PHACTR1: variants seen among roughly 807,000 people sequenced by gnomAD.
PHACTR1 encodes RPEL repeat containing 1.
A neutral mutation model predicts 69.2 loss-of-function variants in PHACTR1; 16 were observed. The observed-to-expected ratio is 0.23, with a 90% CI of 0.16 to 0.35. PHACTR1 has a LOEUF of 0.35. Ranked by LOEUF, PHACTR1 falls within the 10% of genes least tolerant of loss-of-function variation. The pLI is 1.00. For missense variants in PHACTR1, 510 were observed against 734.7 expected, an observed-to-expected ratio of 0.69 and a Z score of 3.54; for synonymous variants, 312 against 284.5, an observed-to-expected ratio of 1.10 and a Z score of -0.97.
chr6:13,281,144 T>C (rs1780099842), intron 12 of PHACTR1: 1 of 1,286,070 alleles, frequency 7.8e-7, no homozygotes, highest in Non-Finnish European at 1.0e-6. Context: ...TAGTCTTCGG[T>C]TCACTCCAGA....
intron 8 of PHACTR1, among the ~76,000 whole-genome samples, chr6:13,219,153 G>C (rs958005283): frequency 1.3e-5 from 2 of 152,134 alleles, no homozygotes; most frequent in Non-Finnish European, 2.9e-5. Context: ...GCCTTTTATT[G>C]ACTCGGGACT....
rs575201437 is a variant in PHACTR1 at position 13,152,335 on chromosome 6, A to G, written c.416-7869A>G. The stretch of plus-strand genomic sequence containing the variant: ...GGCAACAGAGCAAGACTCCGTCTCA[A>G]AAAAAAAAAAATTCATCAATGTCAA... On this transcript the variant is annotated intron_variant, in intron 5 of 14. Coordinates refer to ENST00000332995, the MANE Select transcript of PHACTR1 (RefSeq NM_030948.6). Among the ~76,000 whole-genome samples the G allele has an allele frequency of 4.0e-5, 6 of 149,802 alleles. No individual in the cohort carries two copies. The South Asian group carries it at 1.3e-3, about 31-fold the overall frequency.
At chr6:13,151,633 C>CA (rs557469689) in intron 5 of PHACTR1, among the ~76,000 whole-genome samples, 176 of 152,218 alleles carry the variant, frequency 1.2e-3, no homozygotes, top group African/African-American at 3.3e-3. Context: ...ATGCAGTACT[C>CA]AAAAAGAATG....
chr6:12,773,380 G>T (rs546126492), intron 4 of PHACTR1, among the ~76,000 whole-genome samples: 1 of 152,216 alleles, frequency 6.6e-6, no homozygotes, highest in African/African-American at 2.4e-5. Flanking sequence ...GTGACAAATG[G>T]TATATTTCCC....
At chr6:12,829,645 A>T (rs927071686) in intron 4 of PHACTR1, among the ~76,000 whole-genome samples, 3 of 152,002 alleles carry the variant, frequency 2.0e-5, no homozygotes, top group Non-Finnish European at 4.4e-5. Context: ...AGTGGGTAAG[A>T]TGAAGAAAAG....
At chr6:13,286,355 G>A in intron 14 of PHACTR1, 133 bp downstream of exon 14, 1 of 717,168 alleles carries the variant, frequency 1.4e-6, no homozygotes. Context: ...AGGAAGGCAG[G>A]CATGCGGTTC....
At chr6:12,916,008 A>G (rs1786946133) in intron 4 of PHACTR1, among the ~76,000 whole-genome samples, 1 of 152,212 alleles carries the variant, frequency 6.6e-6, no homozygotes, top group Non-Finnish European at 1.5e-5. Context: ...AGATGTTAAT[A>G]CCAGGCAAAA....
chr6:13,123,824 A>G (rs1306103791), intron 5 of PHACTR1, among the ~76,000 whole-genome samples: 3 of 152,198 alleles, frequency 2.0e-5, no homozygotes, highest in Non-Finnish European at 4.4e-5. Flanking sequence ...CGGGCCAGGT[A>G]GGAGTTGCAT....
intron 7 of PHACTR1, among the ~76,000 whole-genome samples, chr6:13,196,835 C>T (rs115706629): frequency 0.015 from 2,212 of 152,304 alleles, 41 homozygotes; most frequent in African/African-American, 0.05. Context: ...CATGGAGAAC[C>T]GCCATGGAAG....
intron 7 of PHACTR1, among the ~76,000 whole-genome samples, chr6:13,194,267 G>A (rs1041817951): frequency 1.3e-4 from 20 of 152,066 alleles, no homozygotes; most frequent in African/African-American, 4.6e-4. Flanking sequence ...GCTGGGCGTG[G>A]TGGCGCGTGC....
intron 4 of PHACTR1, among the ~76,000 whole-genome samples, chr6:12,849,001 A>G (rs1217657177): frequency 1.3e-5 from 2 of 152,068 alleles, no homozygotes; most frequent in Non-Finnish European, 1.5e-5. Flanking sequence ...AATTTCAAAG[A>G]CAGGCACTAT....
At position 13,215,749 on chromosome 6, in the gene PHACTR1, T is replaced by G. The variant is rs114674198; in HGVS notation, c.986+9613T>G. ...GACATATCCAACTCTAACTGCAGAT[T>G]AGATATATTGAAGTAGGTTAACTGT... On this transcript the variant is annotated intron_variant, in intron 8 of 14. Coordinates refer to ENST00000332995, the MANE Select transcript of PHACTR1 (RefSeq NM_030948.6). Among the ~76,000 whole-genome samples the G allele has an allele frequency of 3.7e-3, 557 of 152,316 alleles. 5 individuals carry two copies. The highest frequency in any genetic ancestry group is 0.013 in the African/African-American group (542 of 41,572).
At chr6:12,773,930 T>A (rs1309700546) in intron 4 of PHACTR1, among the ~76,000 whole-genome samples, 1 of 152,188 alleles carries the variant, frequency 6.6e-6, no homozygotes, top group Non-Finnish European at 1.5e-5. Flanking sequence ...TTAAGATTAC[T>A]GCCCAGAAAG....
At chr6:12,933,806 T>TTCTC (rs1789138264) in intron 4 of PHACTR1, 2 of 1,612,662 alleles carry the variant, frequency 1.2e-6, no homozygotes, top group Admixed American at 3.3e-5. Context: ...AGGTGGACAA[T>TTCTC]TCTCTACTCA....
chr6:12,998,005 AC>A (rs961015098), intron 4 of PHACTR1, among the ~76,000 whole-genome samples: 9 of 152,306 alleles, frequency 5.9e-5, no homozygotes, highest in African/African-American at 2.2e-4. Context: ...AACTACAGTT[AC>A]CCTAGTGTGC....
intron 4 of PHACTR1, among the ~76,000 whole-genome samples, chr6:12,888,141 T>C (rs530896593): frequency 6.6e-6 from 1 of 151,328 alleles, no homozygotes; most frequent in Admixed American, 6.6e-5. Flanking sequence ...ATGAGGGCTC[T>C]GCTTCCATAA....
At chr6:13,276,466 C>T (rs557766372) in intron 11 of PHACTR1, among the ~76,000 whole-genome samples, 121 of 149,722 alleles carry the variant, frequency 8.1e-4, no homozygotes, top group Non-Finnish European at 1.1e-3. Flanking sequence ...CAGGGGGTTT[C>T]CTTCCTTTAA....
intron 5 of PHACTR1, among the ~76,000 whole-genome samples, chr6:13,056,880 C>T (rs559435392): frequency 3.3e-5 from 5 of 152,214 alleles, no homozygotes; most frequent in African/African-American, 1.2e-4. Context: ...TGAGAATTAT[C>T]TGATATTGAG....
At chr6:12,797,426 T>C (rs998741724) in intron 4 of PHACTR1, among the ~76,000 whole-genome samples, 3 of 152,210 alleles carry the variant, frequency 2.0e-5, no homozygotes, top group Non-Finnish European at 4.4e-5. Context: ...TTGCAGTGGC[T>C]CTACCTATGG....
Sources: gnomAD v4.1 joint callset for allele counts (sites outside exome capture counted in the v4.1 genomes callset) on GRCh38, gnomAD v4.1.1 for gene constraint, MANE v1.5 for transcripts, NCBI Gene and HGNC (gene_info 2026-07-23, HGNC 2026-07-21) for gene names.